The following GRHL3 variants were observed in gnomAD, a reference collection of about 807,000 sequenced individuals.
The protein encoded by GRHL3 is grainyhead like transcription factor 3, also known as grainyhead-like protein 3 homolog.
Under a neutral mutation model 70.3 loss-of-function variants are expected in GRHL3, and 20 were observed. That is an observed-to-expected ratio of 0.28 (90% CI 0.20 to 0.41). GRHL3 has a LOEUF of 0.41. Ranked by LOEUF, GRHL3 falls within the 10% of genes least tolerant of loss-of-function variation. The probability of loss-of-function intolerance (pLI) is 1.00; values close to 1 mark genes in which losing one functional copy is unlikely to be tolerated. For missense variants in GRHL3, 637 were observed against 762.3 expected, an observed-to-expected ratio of 0.84 and a Z score of 1.94; for synonymous variants, 299 against 299.9, an observed-to-expected ratio of 1.00 and a Z score of 0.03.
At chr1:24,337,841 C>G in intron 6 of GRHL3, 52 bp downstream of exon 6, 1 of 1,610,710 alleles carries the variant, frequency 6.2e-7, no homozygotes, top group South Asian at 1.1e-5. Context: ...CAAGATATAC[C>G]TCCTCCTTGG....
At position 24,354,796 on chromosome 1, in the gene GRHL3, T is replaced by G; in HGVS notation, c.*308T>G. On this transcript the variant is annotated 3_prime_UTR_variant, in exon 16 of 16. Transcript: ENST00000361548. ...AGACTGTTCCCTCCTCCCAAGACCC[T>G]TGTCTGCAGTGGTGCTCCTGCAGGC... 1 of 232,942 alleles carries G rather than the reference T, an allele frequency of 4.3e-6. No individual in the cohort carries two copies. Among genetic ancestry groups the G allele is most frequent in the East Asian group, 1.1e-4 (1 of 9,226 alleles). The allele number at this position is 232,942 out of a possible 1,614,324, so 14.4% of individuals were successfully genotyped here.
At chr1:24,344,568 C>T (rs574808622) in intron 11 of GRHL3, among the ~76,000 whole-genome samples, 9 of 151,854 alleles carry the variant, frequency 5.9e-5, no homozygotes, top group East Asian at 1.9e-4. Flanking sequence ...AGTTACCGGC[C>T]GCAGGACCAT....
exon 16 of GRHL3, chr1:24,364,415 A>G (rs1482413706): frequency 6.7e-7 from 1 of 1,491,958 alleles, no homozygotes; most frequent in Admixed American, 2.3e-5. Context: ...GGCAGGTCAC[A>G]TCTGAGAGCT....
At position 24,336,779 on chromosome 1, in the gene GRHL3, C is replaced by T; in HGVS notation, c.564C>T (p.Pro188=). The change falls in exon 4 of 16, where the codon CCC becomes CCT. Residue 188 remains proline (P), a synonymous_variant. Coordinates refer to ENST00000361548, the MANE Select transcript of GRHL3 (RefSeq NM_198173.3). ...TTGAGAGCATTCATGGGGTGCCGCC[C>T]ACACAGCGCTGGCAGCCAGACAGCA... is the stretch of plus-strand genomic sequence containing the variant. ...SLFESIHGVP[P]TQRWQPDSTF... 5 of 1,612,896 alleles carry T rather than the reference C, an allele frequency of 3.1e-6. No individual in the cohort carries two copies. The highest frequency in any genetic ancestry group is 4.2e-6 in the Non-Finnish European group (5 of 1,179,350).
intron 2 of GRHL3, among the ~76,000 whole-genome samples, chr1:24,332,806 G>A (rs1639659588): frequency 6.6e-6 from 1 of 152,226 alleles, no homozygotes; most frequent in African/African-American, 2.4e-5. Flanking sequence ...TTTGAACTGA[G>A]AGGCCAAGTG....
intron 1 of GRHL3, among the ~76,000 whole-genome samples, chr1:24,320,616 A>G (rs1429787406): frequency 5.3e-5 from 8 of 152,220 alleles, no homozygotes; most frequent in African/African-American, 1.9e-4. Flanking sequence ...CAGACTTTTA[A>G]GAACTTGAAG....
chr1:24,352,393 G>T (rs1477389709), intron 15 of GRHL3, among the ~76,000 whole-genome samples: 1 of 152,200 alleles, frequency 6.6e-6, no homozygotes, highest in African/African-American at 2.4e-5. Flanking sequence ...AGCTGGCCAG[G>T]GGTTTAATGT....
intron 7 of GRHL3, among the ~76,000 whole-genome samples, 197 bp from the exon 8 acceptor site, chr1:24,339,470 AG>A (rs945144558): frequency 2.0e-5 from 3 of 152,026 alleles, no homozygotes; most frequent in Admixed American, 6.5e-5. Context: ...TAGTAGAAAC[AG>A]GGTTTCACCA....
At chr1:24,355,706 C>T (rs1159769869), downstream of GRHL3, among the ~76,000 whole-genome samples, 2 of 152,210 alleles carry the variant, frequency 1.3e-5, no homozygotes, top group Non-Finnish European at 2.9e-5. Flanking sequence ...AAGCCACGTT[C>T]CCTGCAGCCA....
chr1:24,362,138 C>G (rs1569966883), intron 15 of GRHL3, among the ~76,000 whole-genome samples: 1 of 152,204 alleles, frequency 6.6e-6, no homozygotes, highest in African/African-American at 2.4e-5. Context: ...GCCAGCCCAT[C>G]CAAGCAAAGG....
In GRHL3 at chr1:24,319,389, C is replaced by G. The variant is rs1375263234; in HGVS notation, c.-163C>G. Reference sequence around the variant, plus strand: ...GGCACCTGTACCTGTAGCCAATCAGCGCCAGCGCTGCTGGGAACCTACCTG... The same window carrying G: ...GGCACCTGTACCTGTAGCCAATCAGGGCCAGCGCTGCTGGGAACCTACCTG... On this transcript the variant is annotated 5_prime_UTR_variant, in exon 1 of 16. Transcript: ENST00000361548. The G allele has an allele frequency of 6.6e-6, 5 of 757,334 alleles. No individual in the cohort carries two copies. Among genetic ancestry groups the G allele is most frequent in the African/African-American group, 1.7e-5 (1 of 58,912 alleles). The allele number at this position is 757,334 out of a possible 1,614,324, so 46.9% of individuals were successfully genotyped here.
chr1:24,349,336 G>A (rs566744878), intron 14 of GRHL3, among the ~76,000 whole-genome samples: 8 of 152,330 alleles, frequency 5.3e-5, no homozygotes, highest in South Asian at 4.1e-4. Context: ...CCTTGGGCGC[G>A]TGGCTTATGC....
At chr1:24,362,737 C>A (rs1399948424) in intron 15 of GRHL3, among the ~76,000 whole-genome samples, 1 of 152,140 alleles carries the variant, frequency 6.6e-6, no homozygotes, top group Non-Finnish European at 1.5e-5. Context: ...GCAGGGGACA[C>A]CCCCCTGGTC....
intron 15 of GRHL3, among the ~76,000 whole-genome samples, chr1:24,352,572 A>G (rs879647778): frequency 1.3e-5 from 2 of 152,132 alleles, no homozygotes; most frequent in Non-Finnish European, 2.9e-5. Flanking sequence ...AGCTTGGCAG[A>G]TGTGAGCAGG....
Position 24,342,686 on chromosome 1 carries a change from C to A in GRHL3, c.1207-8C>A. ...CCCTTGGTGACCCTCTCTCCTTCTC[C>A]CCTGCAGGGAGCTGAGAGGAAGATG... On this transcript the variant is annotated splice_polypyrimidine_tract_variant and splice_region_variant and intron_variant, in intron 9 of 15. Transcript: ENST00000361548. The surrounding 1 kb of genome is among the most constrained non-coding windows in gnomAD (Gnocchi z 4.8). The A allele has an allele frequency of 6.2e-7, 1 of 1,614,054 alleles. No homozygotes were observed. The highest frequency in any genetic ancestry group is 1.1e-5 in the South Asian group (1 of 91,084).
chr1:24,335,405 A>G (rs1639760369), intron 3 of GRHL3, among the ~76,000 whole-genome samples: 2 of 152,190 alleles, frequency 1.3e-5, no homozygotes, highest in South Asian at 4.1e-4. Flanking sequence ...TTCCTGGCCA[A>G]TCAGGTGACT....
At chr1:24,329,813 G>T (rs1485443970) in intron 1 of GRHL3, among the ~76,000 whole-genome samples, 1 of 152,190 alleles carries the variant, frequency 6.6e-6, no homozygotes, top group Non-Finnish European at 1.5e-5. Flanking sequence ...CATCTCTGGG[G>T]CTCTCTCTTC....
intron 14 of GRHL3, among the ~76,000 whole-genome samples, chr1:24,348,311 G>GT (rs1308590505): frequency 6.6e-6 from 1 of 152,152 alleles, no homozygotes; most frequent in African/African-American, 2.4e-5. Context: ...GGTACTATTC[G>GT]TATCTCCTCA....
chr1:24,347,350 C>A, intron 13 of GRHL3, 118 bp from the exon 14 acceptor site: 1 of 880,554 alleles, frequency 1.1e-6, no homozygotes, highest in Non-Finnish European at 1.9e-6. Flanking sequence ...GGCCTCCCAG[C>A]TGGGCAAAGA....
Sources: gnomAD v4.1 joint callset for allele counts (sites outside exome capture counted in the v4.1 genomes callset) on GRCh38, gnomAD v4.1.1 for gene constraint, Gnocchi (gnomAD v3.1) non-coding constraint, MANE v1.5 for transcripts, NCBI Gene and HGNC (gene_info 2026-07-23, HGNC 2026-07-21) for gene names.